Variants in PAIP2 observed in about 807,000 individuals in gnomAD.
PAIP2 encodes the protein poly(A) binding protein interacting protein 2.
A neutral mutation model predicts 14.8 loss-of-function variants in PAIP2; 7 were observed. The ratio of observed to expected loss-of-function variants is 0.47; its 90% CI spans 0.27 to 0.89. The LOEUF (loss-of-function observed/expected upper bound fraction) is 0.89, where lower values mean the gene tolerates loss of function less well. Among genes scored for constraint, PAIP2 ranks in the 40% least tolerant of loss-of-function variants. The pLI is 0.13. For synonymous variants in PAIP2, 47 were observed against 45.3 expected, an observed-to-expected ratio of 1.04 and a Z score of -0.15; for missense variants, 122 against 154.7, an observed-to-expected ratio of 0.79 and a Z score of 1.12.
chr5:139,352,514 TGAGATGGAGTTTCGTCC>T (rs1756776753), intron 1 of PAIP2, among the ~76,000 whole-genome samples: 1 of 148,918 alleles, frequency 6.7e-6, no homozygotes. Flanking sequence ...TTTTTTTTTT[TGAGATGGAGTTTCGTCC>T]TTGTTGCCCA....
At chr5:139,359,136 A>C (rs1756999652) in intron 1 of PAIP2, among the ~76,000 whole-genome samples, 1 of 151,758 alleles carries the variant, frequency 6.6e-6, no homozygotes, top group Admixed American at 6.6e-5. Context: ...CACCACACCC[A>C]GCTAAGTTAT....
chr5:139,357,704 G>A (rs961907463), intron 1 of PAIP2, among the ~76,000 whole-genome samples: 5 of 152,258 alleles, frequency 3.3e-5, no homozygotes, highest in South Asian at 2.1e-4. Flanking sequence ...GGTGGCACGC[G>A]CCTGTAGTCC....
intron 1 of PAIP2, among the ~76,000 whole-genome samples, chr5:139,356,329 C>T (rs1216631857): frequency 2.0e-5 from 3 of 151,204 alleles, no homozygotes; most frequent in Non-Finnish European, 4.4e-5. Flanking sequence ...ACCTGTAATC[C>T]CAGCTACTCG....
chr5:139,346,428 G>A (rs1208048508), intron 1 of PAIP2, among the ~76,000 whole-genome samples: 4 of 151,960 alleles, frequency 2.6e-5, no homozygotes, highest in South Asian at 2.1e-4. Flanking sequence ...TTTTAGAGAC[G>A]GGGTTTCACC....
chr5:139,365,114 A>G (rs1382750663), intron 3 of PAIP2: 1 of 152,316 alleles, frequency 6.6e-6, no homozygotes, highest in African/African-American at 2.4e-5. Context: ...ATTGCACTCC[A>G]GCCTGGGCAA....
chr5:139,346,965 A>G (rs567812306), intron 1 of PAIP2, among the ~76,000 whole-genome samples: 6 of 152,180 alleles, frequency 3.9e-5, no homozygotes, highest in Non-Finnish European at 7.4e-5. Context: ...GTGCGCCACC[A>G]TGCCTGGCTT....
intron 1 of PAIP2, among the ~76,000 whole-genome samples, chr5:139,361,543 G>A (rs1335674029): frequency 3.9e-5 from 6 of 152,148 alleles, no homozygotes; most frequent in African/African-American, 1.2e-4. Context: ...GTGAAACCTT[G>A]TGCTTCAGAT....
chr5:139,356,092 C>T (rs1179120373), intron 1 of PAIP2, among the ~76,000 whole-genome samples: 1 of 151,604 alleles, frequency 6.6e-6, no homozygotes, highest in Non-Finnish European at 1.5e-5. Flanking sequence ...GAGCTGAGAT[C>T]GTGCCATTGC....
intron 1 of PAIP2, among the ~76,000 whole-genome samples, chr5:139,344,675 G>C (rs151315990): frequency 2.0e-5 from 3 of 152,192 alleles, no homozygotes; most frequent in African/African-American, 7.2e-5. Context: ...AAATTTGGGT[G>C]GCATTTCTAA....
At chr5:139,361,056 C>T (rs765920775) in intron 1 of PAIP2, among the ~76,000 whole-genome samples, 2 of 152,132 alleles carry the variant, frequency 1.3e-5, no homozygotes, top group Non-Finnish European at 2.9e-5. Flanking sequence ...GCTGGAATTA[C>T]TGGAGTGAGC....
At chr5:139,342,413 C>T (rs560022100) in intron 1 of PAIP2, 1 of 152,204 alleles carries the variant, frequency 6.6e-6, no homozygotes, top group Non-Finnish European at 1.5e-5. Context: ...GCAGCCCCTA[C>T]TTGCTGCGCG....
At chr5:139,356,903 A>G (rs2152050851) in intron 1 of PAIP2, among the ~76,000 whole-genome samples, 1 of 152,190 alleles carries the variant, frequency 6.6e-6, no homozygotes, top group East Asian at 1.9e-4. Flanking sequence ...AAAAAAAAAA[A>G]AAAAAGACAT....
chr5:139,360,548 A>G (rs916688324), intron 1 of PAIP2, among the ~76,000 whole-genome samples: 3 of 151,984 alleles, frequency 2.0e-5, no homozygotes, highest in East Asian at 1.9e-4. Flanking sequence ...GCTGGAGTGC[A>G]GTGGCACTAT....
chr5:139,359,336 G>T (rs529052157), intron 1 of PAIP2, among the ~76,000 whole-genome samples: 1 of 151,866 alleles, frequency 6.6e-6, no homozygotes, highest in Non-Finnish European at 1.5e-5. Flanking sequence ...ACAGGGTTTC[G>T]CCATGTTGGC....
chr5:139,346,288 C>G (rs1434259813), intron 1 of PAIP2, among the ~76,000 whole-genome samples: 1 of 152,202 alleles, frequency 6.6e-6, no homozygotes, highest in African/African-American at 2.4e-5. Context: ...TGTCACCAGG[C>G]CGGAGTGCAG....
chr5:139,355,491 C>A (rs1038506761), intron 1 of PAIP2, among the ~76,000 whole-genome samples: 24 of 152,072 alleles, frequency 1.6e-4, no homozygotes, highest in African/African-American at 5.6e-4. Flanking sequence ...TACTGATATT[C>A]TCTATTTGGT....
intron 1 of PAIP2, among the ~76,000 whole-genome samples, chr5:139,349,819 T>C (rs1246333386): frequency 6.6e-6 from 1 of 151,854 alleles, no homozygotes; most frequent in East Asian, 2.0e-4. Flanking sequence ...CTGGCCAACA[T>C]GGTGAAACCC....
intron 1 of PAIP2, among the ~76,000 whole-genome samples, chr5:139,352,488 G>GTTTTTTTTTTTTTTTTTTTTTTTTT (rs1185620394): frequency 4.2e-5 from 4 of 94,840 alleles, no homozygotes; most frequent in African/African-American, 1.3e-4. Flanking sequence ...ATTCCTGCCA[G>GTTTTTTTTTTTTTTTTTTTTTTTTT]TTTTTTTTTT....
chr5:139,362,598 C>T lies in PAIP2; in HGVS notation c.-26-1161C>T, dbSNP rs961631004. ...GCTAATTTTGTATTTTTAGTAGAGA[C>T]GGGGTTTCACCATGTTGATCAGGCT... On this transcript the variant is annotated intron_variant, in intron 1 of 3. Transcript: ENST00000265192. Among the ~76,000 whole-genome samples the T allele has an allele frequency of 5.9e-5, 9 of 151,804 alleles. No individual in the cohort carries two copies. In the South Asian group the frequency reaches 6.3e-4, roughly 11 times the overall value.
Sources: allele counts gnomAD v4.1 joint callset (sites outside exome capture counted in the v4.1 genomes callset), GRCh38; gene constraint gnomAD v4.1.1; transcripts MANE v1.5; gene names NCBI Gene and HGNC (gene_info 2026-07-23, HGNC 2026-07-21).